The following MAL2 variants were observed in gnomAD, a reference collection of about 807,000 sequenced individuals.
MAL2 encodes the protein protein MAL2.
A neutral mutation model predicts 18.1 loss-of-function variants in MAL2; 17 were observed. The observed-to-expected ratio is 0.94, with a 90% CI of 0.64 to 1.41. The LOEUF (loss-of-function observed/expected upper bound fraction) is 1.41. Ranked by LOEUF, MAL2 falls within the 40% of genes most tolerant of loss-of-function variation. MAL2 has a pLI of 0.00. For missense variants in MAL2, 222 were observed against 231.9 expected (o/e 0.96, Z 0.28); for synonymous variants, 102 against 102.3 (o/e 1.00, Z 0.02).
At chr8:119,234,331 A>G (rs184723732) in intron 2 of MAL2, among the ~76,000 whole-genome samples, 2,280 of 152,228 alleles carry the variant, frequency 0.015, 62 homozygotes, top group African/African-American at 0.053. Flanking sequence ...CTCGCTGATT[A>G]CTAGCACAGC....
chr8:119,243,601 T>C lies in MAL2; in HGVS notation c.*113T>C. ...AAAAACATTCCAAAAGTAATGTGTT[T>C]AGTAGAGAGAGACTCTAAGCTCAAG... is the stretch of plus-strand genomic sequence containing the variant. On this transcript the variant is annotated 3_prime_UTR_variant, in exon 4 of 4. Coordinates refer to ENST00000614891, the MANE Select transcript of MAL2 (RefSeq NM_052886.3). 2 of 796,656 alleles carry C rather than the reference T, an allele frequency of 2.5e-6. No homozygotes were observed. 49.3% of individuals were successfully genotyped at this position (796,656 alleles called of 1,614,324 possible).
intron 1 of MAL2, among the ~76,000 whole-genome samples, chr8:119,214,827 C>A (rs1817323367): frequency 6.6e-6 from 1 of 152,144 alleles, no homozygotes; most frequent in Non-Finnish European, 1.5e-5. Context: ...TGGTCATAAG[C>A]CTCTTATGTG....
At chr8:119,212,272 A>G (rs950760702) in intron 1 of MAL2, among the ~76,000 whole-genome samples, 5 of 152,364 alleles carry the variant, frequency 3.3e-5, no homozygotes, top group African/African-American at 1.2e-4. Flanking sequence ...AATACAGATA[A>G]TCATTGAATT....
intron 3 of MAL2, among the ~76,000 whole-genome samples, chr8:119,242,030 T>C (rs1030572482): frequency 3.9e-5 from 6 of 152,180 alleles, no homozygotes; most frequent in Admixed American, 2.0e-4. Flanking sequence ...TCAGGGACTT[T>C]CCTATGCTAT....
intron 2 of MAL2, among the ~76,000 whole-genome samples, chr8:119,237,415 G>A (rs1305205464): frequency 1.3e-5 from 2 of 151,452 alleles, no homozygotes; most frequent in East Asian, 1.9e-4. Context: ...AGAAAAAGAG[G>A]GAATCCTCCC....
chr8:119,243,659 T>G lies in MAL2; in HGVS notation c.*171T>G. The G allele has an allele frequency of 6.8e-6, 3 of 444,062 alleles. No homozygotes were observed. The highest frequency in any genetic ancestry group is 7.8e-6 in the Non-Finnish European group (2 of 256,126). 27.5% of individuals were successfully genotyped at this position (444,062 alleles called of 1,614,324 possible). The stretch of plus-strand genomic sequence containing the variant: ...TTATTTCATGGATGGAATGTTAATT[T>G]TATTATGATATTAAAGAAATGGCCT... On this transcript the variant is annotated 3_prime_UTR_variant, in exon 4 of 4. Coordinates refer to ENST00000614891, the MANE Select transcript of MAL2 (RefSeq NM_052886.3).
At chr8:119,221,476 G>C in intron 1 of MAL2, 111 bp from the exon 2 acceptor site, 1 of 1,316,702 alleles carries the variant, frequency 7.6e-7, no homozygotes, top group Non-Finnish European at 1.1e-6. Flanking sequence ...AATATGTGCA[G>C]GGGTCTGGGA....
At chr8:119,220,918 C>T (rs777332797) in intron 1 of MAL2, among the ~76,000 whole-genome samples, 2 of 152,122 alleles carry the variant, frequency 1.3e-5, no homozygotes, top group Non-Finnish European at 2.9e-5. Flanking sequence ...TGACAGAAAC[C>T]AAGTGTAACC....
rs148373036 is a variant in MAL2, at chr8:119,226,568, G to C, written c.303+4811G>C. Reference sequence around the variant, plus strand: ...CCAGGGAAAAGGCAAACACATAGTGGGCAGTGCTCTGGGGTGTGTGAGCAT... The same window carrying C: ...CCAGGGAAAAGGCAAACACATAGTGCGCAGTGCTCTGGGGTGTGTGAGCAT... On this transcript the variant is annotated intron_variant, in intron 2 of 3. Coordinates refer to ENST00000614891, the MANE Select transcript of MAL2 (RefSeq NM_052886.3). Among the ~76,000 whole-genome samples the C allele has an allele frequency of 1.4e-4, 22 of 152,060 alleles. No individual in the cohort carries two copies. In the East Asian group the frequency reaches 2.7e-3, roughly 19 times the overall value.
In MAL2 at chr8:119,221,730, T is replaced by C; in HGVS notation, c.276T>C (p.Ala92=). The change falls in exon 2 of 4, where the codon GCT becomes GCC. Residue 92 remains alanine, a synonymous_variant. Coordinates refer to ENST00000614891, the MANE Select transcript of MAL2 (RefSeq NM_052886.3). ...FLGMFLSGMV[A]QIDANWNFLD... ...GCATGTTCCTCTCTGGCATGGTGGCTCAAATTGATGCTAACTGGAACTTCC... is the reference window on the plus strand; with the variant it reads ...GCATGTTCCTCTCTGGCATGGTGGCCCAAATTGATGCTAACTGGAACTTCC... 6.2e-7 allele frequency: 1 copy of C among 1,613,892 alleles called. No individual in the cohort carries two copies. The highest frequency in any genetic ancestry group is 8.5e-7 in the Non-Finnish European group (1 of 1,179,824).
intron 2 of MAL2, among the ~76,000 whole-genome samples, chr8:119,232,070 CA>C (rs200938995): frequency 2.0e-5 from 3 of 150,262 alleles, no homozygotes; most frequent in Non-Finnish European, 4.4e-5. Flanking sequence ...GTTCTCACCA[CA>C]AAAAAAAGAT....
At chr8:119,230,624 C>T (rs56354938) in intron 2 of MAL2, among the ~76,000 whole-genome samples, 13,878 of 152,090 alleles carry the variant, frequency 0.091, 1,883 homozygotes, top group African/African-American at 0.3. Context: ...TCAGATCACA[C>T]GAAGAGTTGC....
chr8:119,211,642 CATTA>C (rs1472177462), intron 1 of MAL2, among the ~76,000 whole-genome samples: 1 of 150,954 alleles, frequency 6.6e-6, no homozygotes, highest in East Asian at 1.9e-4. Flanking sequence ...CCAGGAAAAG[CATTA>C]TAGCACTGGC....
chr8:119,237,403 A>G (rs1025746141), intron 2 of MAL2, among the ~76,000 whole-genome samples: 3 of 151,640 alleles, frequency 2.0e-5, no homozygotes, highest in Non-Finnish European at 2.9e-5. Context: ...ATTCCAATCA[A>G]TAGAAAAAGA....
chr8:119,221,323 T>A (rs1817460282), intron 1 of MAL2: 1 of 388,082 alleles, frequency 2.6e-6, no homozygotes, highest in African/African-American at 2.0e-5. Flanking sequence ...ACTGGACATG[T>A]ACATGGGTTG....
At position 119,240,327 on chromosome 8, in the gene MAL2, A is replaced by G. The variant is rs1286795634; in HGVS notation, c.459+7A>G. The G allele has an allele frequency of 1.2e-6, 2 of 1,612,668 alleles. No individual in the cohort carries two copies. Among genetic ancestry groups the G allele is most frequent in the Non-Finnish European group, 1.7e-6 (2 of 1,179,080 alleles). Reference sequence around the variant, plus strand: ...CATAAACGTAGCAGCCTCAGTAAGTATTCATATTCAATGAGTACCATTCAC... The same window carrying G: ...CATAAACGTAGCAGCCTCAGTAAGTGTTCATATTCAATGAGTACCATTCAC... On this transcript the variant is annotated splice_region_variant and intron_variant, in intron 3 of 3. Transcript: ENST00000614891.
chr8:119,240,142 A>G (rs750121224), intron 2 of MAL2, 23 bp from the exon 3 acceptor site: 5 of 1,600,866 alleles, frequency 3.1e-6, no homozygotes, highest in Non-Finnish European at 4.3e-6. Flanking sequence ...TTAATTGCAG[A>G]TGTCTTTTCT....
In MAL2 at chr8:119,208,410, G is replaced by A. The variant is rs1011953710; in HGVS notation, c.-63G>A. ...AGCGGCGGCGGCGGCGGCGGCAGGA[G>A]CCCGGGAGGCGGAGGCGGGAGGCGG... On this transcript the variant is annotated 5_prime_UTR_variant, in exon 1 of 4. Transcript: ENST00000614891. The surrounding 1 kb of genome is among the most constrained non-coding windows in gnomAD (Gnocchi z 4.3). The A allele has an allele frequency of 9.3e-6, 9 of 972,244 alleles. No individual in the cohort carries two copies. Among genetic ancestry groups the A allele is most frequent in the Non-Finnish European group, 1.1e-5 (9 of 799,566 alleles). 60.2% of individuals were successfully genotyped at this position (972,244 alleles called of 1,614,324 possible). A position where few individuals can be genotyped will look rare whatever the true frequency, so the allele number is the denominator to read the frequency against.
At chr8:119,233,541 C>T (rs201896967) in intron 2 of MAL2, among the ~76,000 whole-genome samples, 4 of 152,104 alleles carry the variant, frequency 2.6e-5, no homozygotes, top group African/African-American at 9.7e-5. Context: ...GAGAATACTA[C>T]AAACACCTCT....
Sources: gnomAD v4.1 joint callset for allele counts (sites outside exome capture counted in the v4.1 genomes callset) on GRCh38, gnomAD v4.1.1 for gene constraint, Gnocchi (gnomAD v3.1) non-coding constraint, MANE v1.5 for transcripts, NCBI Gene and HGNC (gene_info 2026-07-23, HGNC 2026-07-21) for gene names.